Variants in MED13L observed in about 807,000 individuals in gnomAD.
MED13L encodes mediator complex subunit 13L.
MED13L carries 7 observed loss-of-function variants against 220.9 expected under a neutral mutation model. The ratio of observed to expected loss-of-function variants is 0.03; its 90% CI spans 0.02 to 0.06. MED13L has a LOEUF of 0.06. Ranked by LOEUF, MED13L falls within the 10% of genes least tolerant of loss-of-function variation. MED13L has a pLI of 1.00. For synonymous variants in MED13L, 1,011 were observed against 1,015.2 expected, an observed-to-expected ratio of 1.00 and a Z score of 0.08; for missense variants, 1,965 against 2,760.5, an observed-to-expected ratio of 0.71 and a Z score of 6.46.
At chr12:116,209,580 G>A (rs930346911) in intron 2 of MED13L, among the ~76,000 whole-genome samples, 6 of 152,034 alleles carry the variant, frequency 3.9e-5, no homozygotes, top group Non-Finnish European at 8.8e-5. Flanking sequence ...TCTTCACTCA[G>A]TTTACATATT....
At chr12:115,970,969 T>G (rs1876541407) in intron 26 of MED13L, among the ~76,000 whole-genome samples, 199 bp from the exon 27 acceptor site, 1 of 152,202 alleles carries the variant, frequency 6.6e-6, no homozygotes, top group African/African-American at 2.4e-5. Flanking sequence ...CAAGTTTCAT[T>G]TCATACTGAA....
intron 17 of MED13L, among the ~76,000 whole-genome samples, chr12:115,988,273 A>C (rs767386239): frequency 6.6e-6 from 1 of 152,244 alleles, no homozygotes; most frequent in Non-Finnish European, 1.5e-5. Flanking sequence ...GGTGGTCCAC[A>C]GAATATTTTG....
chr12:116,133,918 C>G (rs776708791), intron 2 of MED13L, among the ~76,000 whole-genome samples: 1 of 152,164 alleles, frequency 6.6e-6, no homozygotes, highest in Non-Finnish European at 1.5e-5. Context: ...AAACCAGCAT[C>G]GACCACCAGC....
At chr12:116,065,928 C>T (rs924910856) in intron 4 of MED13L, among the ~76,000 whole-genome samples, 31 of 152,218 alleles carry the variant, frequency 2.0e-4, no homozygotes, top group Non-Finnish European at 1.5e-5. Flanking sequence ...AACAGTACAT[C>T]AGTTGCAGTT....
chr12:116,019,115 CT>C, intron 7 of MED13L, 108 bp downstream of exon 7: 1 of 1,071,522 alleles, frequency 9.3e-7, no homozygotes, highest in South Asian at 1.6e-5. Flanking sequence ...ACTCTACTAC[CT>C]CCATCTCTTC....
chr12:116,103,001 CCATCG>C (rs1466796019), intron 3 of MED13L, among the ~76,000 whole-genome samples: 1 of 151,888 alleles, frequency 6.6e-6, no homozygotes, highest in African/African-American at 2.4e-5. Flanking sequence ...AAGGCATGAG[CCATCG>C]CACCAGGCGA....
intron 2 of MED13L, chr12:116,174,430 G>A (rs1406123044): frequency 6.6e-6 from 1 of 150,944 alleles, no homozygotes; most frequent in Admixed American, 6.6e-5. Context: ...CTATGTAAAA[G>A]CTAGAGCTAC....
intron 2 of MED13L, among the ~76,000 whole-genome samples, chr12:116,154,551 ACT>A (rs1198660206): frequency 2.6e-5 from 4 of 152,226 alleles, no homozygotes; most frequent in African/African-American, 7.2e-5. Context: ...TCTCCAGGAA[ACT>A]CTCTGTTCAG....
chr12:116,085,897 A>G (rs1014521244), intron 4 of MED13L, among the ~76,000 whole-genome samples: 2 of 152,172 alleles, frequency 1.3e-5, no homozygotes, highest in African/African-American at 4.8e-5. Context: ...GAGAGATGGA[A>G]TTTAACTTGA....
chr12:116,161,982 T>C (rs985004365), intron 2 of MED13L, among the ~76,000 whole-genome samples: 2 of 152,154 alleles, frequency 1.3e-5, no homozygotes, highest in African/African-American at 2.4e-5. Flanking sequence ...AAACACGATC[T>C]TGTATAACTG....
intron 2 of MED13L, among the ~76,000 whole-genome samples, chr12:116,148,074 A>AAAAAGG (rs1377801971): frequency 1.0e-5 from 1 of 98,338 alleles, no homozygotes; most frequent in African/African-American, 3.9e-5. Flanking sequence ...AAAAAAAAAA[A>AAAAAGG]GAGGGGGGCG....
intron 11 of MED13L, chr12:116,007,118 G>T: frequency 7.1e-6 from 3 of 425,522 alleles, no homozygotes; most frequent in Non-Finnish European, 8.7e-6. Flanking sequence ...AAGAAATAGG[G>T]AGCATAGGCC....
At chr12:116,076,013 A>T (rs1255374386) in intron 4 of MED13L, among the ~76,000 whole-genome samples, 5 of 148,410 alleles carry the variant, frequency 3.4e-5, no homozygotes, top group Admixed American at 6.9e-5. Context: ...TCCCGGGTTC[A>T]CGCCATTCTC....
chr12:116,098,585 G>T (rs1872809736), intron 3 of MED13L, among the ~76,000 whole-genome samples: 1 of 152,050 alleles, frequency 6.6e-6, no homozygotes, highest in Non-Finnish European at 1.5e-5. Flanking sequence ...TTAGTGAATG[G>T]TAATAGTTTC....
At chr12:116,084,892 T>G (rs1364344318) in intron 4 of MED13L, among the ~76,000 whole-genome samples, 1 of 152,124 alleles carries the variant, frequency 6.6e-6, no homozygotes, top group African/African-American at 2.4e-5. Flanking sequence ...CCAATTCCCT[T>G]TTAGTGATAA....
rs527509208 is a variant in MED13L, at chr12:116,054,294, C to T, written c.480-31693G>A. ...ATGTTCTATACTCTGGTATCCAAAT[C>T]CCACTCCAGAAAATATCATATCCCA... On this transcript the variant is annotated intron_variant, in intron 4 of 30. Coordinates refer to ENST00000281928, the MANE Select transcript of MED13L (RefSeq NM_015335.5). Among the ~76,000 whole-genome samples, 18 of 152,176 alleles carry T rather than the reference C, an allele frequency of 1.2e-4. No homozygotes were observed. The Middle Eastern group carries it at 0.014, about 115-fold the overall frequency.
At chr12:116,019,101 C>T (rs747889063) in intron 7 of MED13L, 123 bp downstream of exon 7, 31 of 930,266 alleles carry the variant, frequency 3.3e-5, no homozygotes, top group East Asian at 5.3e-5. Flanking sequence ...AATATCCTTA[C>T]GTTACTCTAC....
intron 2 of MED13L, among the ~76,000 whole-genome samples, chr12:116,199,083 AC>A (rs1211924708): frequency 6.6e-6 from 1 of 152,140 alleles, no homozygotes; most frequent in Admixed American, 6.5e-5. Context: ...AGAAAAAGTT[AC>A]CATGTTCTTA....
At chr12:116,237,766 G>C in intron 1 of MED13L, 61 bp from the exon 2 acceptor site, 1 of 1,389,712 alleles carries the variant, frequency 7.2e-7, no homozygotes, top group Non-Finnish European at 1.0e-6. Context: ...ACTAAAAACA[G>C]TCTTCCATAC....
Sources: gnomAD v4.1 joint callset for allele counts (sites outside exome capture counted in the v4.1 genomes callset) on GRCh38, gnomAD v4.1.1 for gene constraint, MANE v1.5 for transcripts, NCBI Gene and HGNC (gene_info 2026-07-23, HGNC 2026-07-21) for gene names.